Variants in SORBS3 observed in about 807,000 individuals in gnomAD.
SORBS3 encodes sorbin and SH3 domain containing 3, also known as vinexin.
In SORBS3, 69 loss-of-function variants were observed where a neutral mutation model predicts 98.0. The ratio of observed to expected loss-of-function variants is 0.70; its 90% CI spans 0.58 to 0.86. SORBS3 has a LOEUF of 0.86. Among genes scored for constraint, SORBS3 ranks in the 40% least tolerant of loss-of-function variants. SORBS3 has a pLI of 0.00. For missense variants in SORBS3, 954 were observed against 908.5 expected (o/e 1.05, Z -0.64); for synonymous variants, 394 against 355.4 (o/e 1.11, Z -1.22).
Position 22,575,472 on chromosome 8 carries a change from TA to T in SORBS3, c.*748del. On this transcript the variant is annotated 3_prime_UTR_variant, in exon 21 of 21. Coordinates refer to ENST00000240123, the MANE Select transcript of SORBS3 (RefSeq NM_005775.5). ...CCCACATCCCCTCTGGAAGAGAATG[TA>T]AAATAAACCTGGACACAAGGGACCT... 1 of 156,836 alleles carries T rather than the reference TA, an allele frequency of 6.4e-6. No individual in the cohort carries two copies. Among genetic ancestry groups the T allele is most frequent in the South Asian group, 1.8e-4 (1 of 5,602 alleles). 9.7% of individuals were successfully genotyped at this position (156,836 alleles called of 1,614,324 possible). A position where few individuals can be genotyped will look rare whatever the true frequency, so the allele number is the denominator to read the frequency against.
chr8:22,571,636 C>A, intron 18 of SORBS3, 82 bp from the exon 19 acceptor site: 1 of 1,050,778 alleles, frequency 9.5e-7, no homozygotes. Context: ...TGGGAACGCC[C>A]ATTTTGGGCC....
intron 11 of SORBS3, 80 bp downstream of exon 11, chr8:22,565,434 C>T: frequency 2.7e-5 from 32 of 1,191,798 alleles, no homozygotes; most frequent in Non-Finnish European, 3.6e-5. Context: ...GGCGGCTGGG[C>T]TGGGCGGAGG....
In SORBS3 at chr8:22,564,029, C is replaced by T. The variant is rs1337680313; in HGVS notation, c.627C>T (p.Phe209=). ...DHSEELPRST[F]NYRPGAFSTV... is the part of the protein sequence containing the mutation. ...CTGAAGAGTTACCTAGAAGCACCTTCAACTACAGACCTGGAGCATTCTCCA... is the reference window on the plus strand; with the variant it reads ...CTGAAGAGTTACCTAGAAGCACCTTTAACTACAGACCTGGAGCATTCTCCA... The change falls in exon 8 of 21, where the codon TTC becomes TTT. Residue 209 remains phenylalanine, a synonymous_variant. Transcript: ENST00000240123. 1.9e-6 allele frequency: 3 copies of T among 1,614,034 alleles called. No individual in the cohort carries two copies. The highest frequency in any genetic ancestry group is 2.2e-5 in the East Asian group (1 of 44,884).
rs147284394 is a variant in SORBS3, at chr8:22,572,629, G to A, written c.1954+183G>A. Among the ~76,000 whole-genome samples the A allele has an allele frequency of 1.6e-4, 25 of 152,352 alleles. No homozygotes were observed. The East Asian group carries it at 4.6e-3, about 28-fold the overall frequency. On this transcript the variant is annotated intron_variant, in intron 20 of 20. Coordinates refer to ENST00000240123, the MANE Select transcript of SORBS3 (RefSeq NM_005775.5). ...CCCAAAGCCAGCCCTTCTGTTGGCT[G>A]CCTTCCTTCATGAAGAGGCCAAGGC...
intron 8 of SORBS3, 39 bp from the exon 9 acceptor site, chr8:22,564,244 G>A (rs545471840): frequency 2.6e-6 from 4 of 1,547,122 alleles, no homozygotes; most frequent in Admixed American, 1.9e-5. Flanking sequence ...TGTCCCAGTA[G>A]CCCTCTTCAC....
intron 20 of SORBS3, among the ~76,000 whole-genome samples, chr8:22,573,938 G>A (rs56295808): frequency 0.054 from 8,178 of 152,226 alleles, 415 homozygotes; most frequent in African/African-American, 0.13. Context: ...TCCACCAGGC[G>A]CTCTCCCCAA....
rs113823384 is a variant in SORBS3 at position 22,553,420 on chromosome 8, C to T, written c.-55-1032C>T. ...CTGGTCCAGTCCAGCAGCCAAGACG[C>T]GGAGGGATGGACGCCGTAGCACCGT... On this transcript the variant is annotated intron_variant, in intron 1 of 20. Transcript: ENST00000240123. 2.4e-4 allele frequency among the ~76,000 whole-genome samples: 37 copies of T among 152,308 alleles called. 2 individuals are homozygous for T. The East Asian group carries it at 3.5e-3, about 14-fold the overall frequency.
At chr8:22,571,372 C>G (rs1328177095) in intron 18 of SORBS3, 151 bp downstream of exon 18, 1 of 611,280 alleles carries the variant, frequency 1.6e-6, no homozygotes, top group Non-Finnish European at 2.9e-6. Flanking sequence ...GCAGCCCCAC[C>G]CTGGCCTGGG....
chr8:22,557,851 TAAAG>T (rs1408168697), intron 4 of SORBS3, among the ~76,000 whole-genome samples: 1 of 152,046 alleles, frequency 6.6e-6, no homozygotes, highest in East Asian at 1.9e-4. Context: ...ACACTAGACA[TAAAG>T]AAAAGCAAAG....
At chr8:22,564,125 T>C in intron 8 of SORBS3, 48 bp downstream of exon 8, 1 of 1,570,582 alleles carries the variant, frequency 6.4e-7, no homozygotes, top group East Asian at 2.2e-5. Context: ...GTATGCCGTA[T>C]GGCCAAGACC....
chr8:22,565,953 C>T, intron 12 of SORBS3, 81 bp downstream of exon 12: 1 of 979,698 alleles, frequency 1.0e-6, no homozygotes, highest in Non-Finnish European at 1.3e-6. Flanking sequence ...GCGGGGCGGA[C>T]GGGGGCGATC....
intron 8 of SORBS3, 40 bp downstream of exon 8, chr8:22,564,117 A>G: frequency 6.3e-7 from 1 of 1,586,940 alleles, no homozygotes; most frequent in Non-Finnish European, 8.6e-7. Flanking sequence ...CCCCAGCTGT[A>G]TGCCGTATGG....
Position 22,565,251 on chromosome 8 carries a change from C to A in SORBS3, c.817-17C>A, listed in dbSNP as rs1483632332. ...CGGTGCGCTGCCCCTCACTGCCCAGCCTCTCCCCGCCCCCAGGTGCTGCTG... is the reference window on the plus strand; with the variant it reads ...CGGTGCGCTGCCCCTCACTGCCCAGACTCTCCCCGCCCCCAGGTGCTGCTG... On this transcript the variant is annotated splice_polypyrimidine_tract_variant and intron_variant, in intron 10 of 20. Coordinates refer to ENST00000240123, the MANE Select transcript of SORBS3 (RefSeq NM_005775.5). 1.3e-6 allele frequency: 2 copies of A among 1,547,670 alleles called. No homozygotes were observed. The highest frequency in any genetic ancestry group is 1.7e-6 in the Non-Finnish European group (2 of 1,144,574).
Position 22,555,330 on chromosome 8 carries a change from G to A in SORBS3, c.220+350G>A, listed in dbSNP as rs149159732. On this transcript the variant is annotated intron_variant, in intron 3 of 20. Transcript: ENST00000240123. ...GGTATCTGTTGGCTTGGGAAGGGGTGGAGACTGTCCCATTCAGGCCCAACA... is the reference window on the plus strand; with the variant it reads ...GGTATCTGTTGGCTTGGGAAGGGGTAGAGACTGTCCCATTCAGGCCCAACA... Among the ~76,000 whole-genome samples, 431 of 152,254 alleles carry A rather than the reference G, an allele frequency of 2.8e-3. 3 individuals carry two copies. Among genetic ancestry groups the A allele is most frequent in the African/African-American group, 9.8e-3 (407 of 41,544 alleles).
At position 22,570,948 on chromosome 8, in the gene SORBS3, C is replaced by T. The variant is rs770767133; in HGVS notation, c.1470C>T (p.Asn490=). The T allele has an allele frequency of 6.2e-7, 1 of 1,611,458 alleles. No homozygotes were observed. Among genetic ancestry groups the T allele is most frequent in the East Asian group, 2.2e-5 (1 of 44,806 alleles). ...GCCTGATCCGCAAGGTGAACGAGAA[C>T]TGGTACGAGGGACGCATCACGGGCA... ...HICLIRKVNE[N]WYEGRITGTG... is the part of the protein sequence containing the mutation. The change falls in exon 18 of 21, where the codon AAC becomes AAT. Residue 490 remains asparagine, a synonymous_variant. Transcript: ENST00000240123.
chr8:22,569,119 A>C (rs757101772), intron 16 of SORBS3, 29 bp from the exon 17 acceptor site: 1 of 1,591,750 alleles, frequency 6.3e-7, no homozygotes, highest in African/African-American at 1.4e-5. Context: ...GCCCAGGCCA[A>C]ATCTTTCTCA....
At chr8:22,573,328 T>C in intron 20 of SORBS3, 1 of 454,914 alleles carries the variant, frequency 2.2e-6, no homozygotes, top group South Asian at 1.6e-5. Flanking sequence ...TAATAAAGTT[T>C]TGCAAACCTA....
intron 7 of SORBS3, among the ~76,000 whole-genome samples, chr8:22,562,654 G>T (rs933177345): frequency 2.0e-5 from 3 of 152,246 alleles, no homozygotes; most frequent in Admixed American, 6.5e-5. Flanking sequence ...GTTTAAGCCT[G>T]TGCACTGCCA....
chr8:22,551,706 C>A (rs1209704880), upstream of SORBS3: 74 of 983,564 alleles, frequency 7.5e-5, no homozygotes, highest in Non-Finnish European at 8.7e-5. This position sits in a 1 kb window ranked among gnomAD's most constrained non-coding sequence, Gnocchi z 5.8. Flanking sequence ...GCGCGCGCCC[C>A]GACGGACGGA....
Sources: allele counts gnomAD v4.1 joint callset (sites outside exome capture counted in the v4.1 genomes callset), GRCh38; gene constraint gnomAD v4.1.1; non-coding constraint Gnocchi (gnomAD v3.1); transcripts MANE v1.5; gene names NCBI Gene and HGNC (gene_info 2026-07-23, HGNC 2026-07-21).